The following CDH13 variants were observed in gnomAD, a reference collection of about 807,000 sequenced individuals.
CDH13 encodes cadherin 13, also known as cadherin-13.
A neutral mutation model predicts 63.8 loss-of-function variants in CDH13; 24 were observed. That is an observed-to-expected ratio of 0.38 (90% confidence interval 0.27 to 0.53). CDH13 has a LOEUF of 0.53. Among genes scored for constraint, CDH13 ranks in the 20% least tolerant of loss-of-function variants. The pLI, the probability that CDH13 is intolerant of heterozygous loss-of-function variation, is 0.85. For missense variants in CDH13, 1,049 were observed against 903.1 expected, an observed-to-expected ratio of 1.16 and a Z score of -2.07; for synonymous variants, 503 against 355.3, an observed-to-expected ratio of 1.42 and a Z score of -4.67.
At chr16:83,245,954 C>T (rs1348194808) in intron 5 of CDH13, among the ~76,000 whole-genome samples, 1 of 152,154 alleles carries the variant, frequency 6.6e-6, no homozygotes, top group African/African-American at 2.4e-5. Context: ...CCAGGCTGGT[C>T]TTACACTTTT....
At chr16:82,676,555 C>T (rs189624621) in intron 1 of CDH13, among the ~76,000 whole-genome samples, 2 of 139,378 alleles carry the variant, frequency 1.4e-5, no homozygotes, top group East Asian at 4.6e-4. Flanking sequence ...CACAATCACT[C>T]TTACCTTCTT....
intron 6 of CDH13, among the ~76,000 whole-genome samples, chr16:83,430,374 G>C (rs972773694): frequency 2.0e-5 from 3 of 152,164 alleles, no homozygotes; most frequent in African/African-American, 7.2e-5. Flanking sequence ...ACAGAAAACA[G>C]GGCATAAGGA....
At chr16:82,658,104 G>C (rs1240553025) in intron 1 of CDH13, among the ~76,000 whole-genome samples, 1 of 152,168 alleles carries the variant, frequency 6.6e-6, no homozygotes, top group Admixed American at 6.5e-5. Context: ...CTAGTTTGTT[G>C]AGAGTTATTA....
At chr16:83,490,219 C>T (rs2073982565) in intron 7 of CDH13, among the ~76,000 whole-genome samples, 1 of 152,130 alleles carries the variant, frequency 6.6e-6, no homozygotes, top group Non-Finnish European at 1.5e-5. Context: ...TTCTTAAGTG[C>T]ATCTACCAAG....
At chr16:82,665,065 A>G (rs8057403) in intron 1 of CDH13, among the ~76,000 whole-genome samples, 130,424 of 152,296 alleles carry the variant, frequency 0.86, 56,078 homozygotes, top group East Asian at 0.95. Flanking sequence ...ACAAATTTGA[A>G]TCATATGATG....
chr16:83,518,488 T>C (rs1308842343), intron 7 of CDH13, among the ~76,000 whole-genome samples: 2 of 148,336 alleles, frequency 1.3e-5, no homozygotes. Context: ...TTTGTTTTTT[T>C]TTGAGACGGA....
rs368675786 is a variant in CDH13, at chr16:83,032,194, G to A, written c.342G>A (p.Gly114=). The A allele has an allele frequency of 6.1e-5, 98 of 1,613,510 alleles. 2 individuals are homozygous for A. Among genetic ancestry groups the A allele is most frequent in the Non-Finnish European group, 7.6e-5 (90 of 1,179,686 alleles). The change falls in exon 3 of 14, where the codon GGG becomes GGA. Residue 114 remains glycine (G), a synonymous_variant. Transcript: ENST00000567109. ...EDMAELVIVG[G]KDIQGSLQDI... ...TGGCAGAACTCGTGATTGTCGGGGGGAAAGACATCCAGGGCTCCTTGCAGG... is the reference window on the plus strand; with the variant it reads ...TGGCAGAACTCGTGATTGTCGGGGGAAAAGACATCCAGGGCTCCTTGCAGG...
intron 2 of CDH13, among the ~76,000 whole-genome samples, chr16:82,911,497 G>C (rs1423698380): frequency 6.6e-6 from 1 of 152,154 alleles, no homozygotes; most frequent in Non-Finnish European, 1.5e-5. Context: ...CCTCCTGCCT[G>C]CTGTACTGTC....
chr16:83,612,240 C>G (rs938809586), intron 8 of CDH13, among the ~76,000 whole-genome samples: 1 of 151,998 alleles, frequency 6.6e-6, no homozygotes, highest in Admixed American at 6.6e-5. Flanking sequence ...TGCATTGACT[C>G]TTTACCATCA....
intron 2 of CDH13, among the ~76,000 whole-genome samples, chr16:82,978,863 A>T: frequency 7.3e-6 from 1 of 136,732 alleles, no homozygotes; most frequent in East Asian, 2.1e-4. Flanking sequence ...CCATACCCCA[A>T]AATGGTAGCT....
intron 2 of CDH13, among the ~76,000 whole-genome samples, chr16:83,006,787 G>C (rs899861219): frequency 2.0e-5 from 3 of 152,148 alleles, no homozygotes; most frequent in Non-Finnish European, 2.9e-5. Flanking sequence ...AAGTTATTTG[G>C]ATGTTTTAGA....
At chr16:82,892,345 C>A (rs947937217) in intron 2 of CDH13, among the ~76,000 whole-genome samples, 4 of 152,162 alleles carry the variant, frequency 2.6e-5, no homozygotes, top group African/African-American at 7.2e-5. Context: ...TCTAGTCTTA[C>A]GCAGCTTATT....
chr16:83,500,317 TCTCCTCCTC>T (rs1274996758), intron 7 of CDH13, among the ~76,000 whole-genome samples: 13 of 598 alleles, frequency 0.022, 5 homozygotes, highest in African/African-American at 0.023. Flanking sequence ...TCCTTCTCCT[TCTCCTCCTC>T]CTCCTCCTCC....
rs749424720 is a variant in CDH13 at position 82,627,157 on chromosome 16, G to A, written c.45+20G>A. 3.1e-6 allele frequency: 5 copies of A among 1,597,130 alleles called. No individual in the cohort carries two copies. Among genetic ancestry groups the A allele is most frequent in the Admixed American group, 1.7e-5 (1 of 58,608 alleles). On this transcript the variant is annotated intron_variant, in intron 1 of 13. Coordinates refer to ENST00000567109, the MANE Select transcript of CDH13 (RefSeq NM_001257.5). ...TCCCAGGTAGGGAAGAGGGGCTGCC[G>A]GGCGCGCTCTGCGCCCCGTTTCTGC...
chr16:83,088,784 AT>A (rs968681457), intron 3 of CDH13, among the ~76,000 whole-genome samples: 1 of 151,974 alleles, frequency 6.6e-6, no homozygotes, highest in African/African-American at 2.4e-5. Flanking sequence ...CTTTATGGTA[AT>A]TTTTTTTGCC....
chr16:82,689,472 C>T lies in CDH13; in HGVS notation c.45+62335C>T, dbSNP rs968404133. 5.3e-5 allele frequency among the ~76,000 whole-genome samples: 8 copies of T among 152,264 alleles called. No homozygotes were observed. The South Asian group carries it at 1.0e-3, about 20-fold the overall frequency. ...TTGGATTTTTTGTGGGTTTTCAAGT[C>T]TCTTCCAAACTGAATCTCACAATCT... On this transcript the variant is annotated intron_variant, in intron 1 of 13. Transcript: ENST00000567109.
intron 7 of CDH13, among the ~76,000 whole-genome samples, chr16:83,561,407 C>T (rs1019994313): frequency 2.2e-5 from 2 of 92,730 alleles, no homozygotes; most frequent in Non-Finnish European, 4.0e-5. Flanking sequence ...GCCTGAGCAA[C>T]AAGAGGGAAA....
chr16:82,733,754 A>G (rs1180968460), intron 1 of CDH13, among the ~76,000 whole-genome samples: 1 of 152,262 alleles, frequency 6.6e-6, no homozygotes, highest in Non-Finnish European at 1.5e-5. Context: ...AAATGGCAAA[A>G]GGAACTGCTT....
At chr16:83,766,493 A>G (rs937224719) in intron 11 of CDH13, among the ~76,000 whole-genome samples, 3 of 152,170 alleles carry the variant, frequency 2.0e-5, no homozygotes, top group Non-Finnish European at 4.4e-5. Context: ...CCTACATTTC[A>G]TTGTTCACAC....
Sources: gnomAD v4.1 joint callset for allele counts (sites outside exome capture counted in the v4.1 genomes callset) on GRCh38, gnomAD v4.1.1 for gene constraint, MANE v1.5 for transcripts, NCBI Gene and HGNC (gene_info 2026-07-23, HGNC 2026-07-21) for gene names.